CACNA1E: variants seen among roughly 807,000 people sequenced by gnomAD.
The protein encoded by CACNA1E is voltage-dependent R-type calcium channel subunit alpha-1E.
Under a neutral mutation model 259.2 loss-of-function variants are expected in CACNA1E, and 40 were observed. The ratio of observed to expected loss-of-function variants is 0.15; its 90% confidence interval spans 0.12 to 0.20. CACNA1E has a LOEUF of 0.20. Ranked by LOEUF, CACNA1E falls within the 10% of genes least tolerant of loss-of-function variation. The probability of loss-of-function intolerance (pLI) is 1.00; values close to 1 mark genes in which losing one functional copy is unlikely to be tolerated. For synonymous variants in CACNA1E, 1,104 were observed against 1,138.5 expected (o/e 0.97, Z 0.61); for missense variants, 1,874 against 3,040.1 (o/e 0.62, Z 9.02).
At chr1:181,718,651 CACACACACACACACA>C (rs1654143696) in intron 12 of CACNA1E, among the ~76,000 whole-genome samples, 1 of 151,056 alleles carries the variant, frequency 6.6e-6, no homozygotes, top group African/African-American at 2.4e-5. Flanking sequence ...CACACACACA[CACACACACACACACA>C]CCCTTATATT....
intron 2 of CACNA1E, among the ~76,000 whole-genome samples, chr1:181,421,693 C>T (rs764250007): frequency 2.0e-5 from 3 of 152,170 alleles, no homozygotes; most frequent in Non-Finnish European, 2.9e-5. Context: ...TTTTATTTCT[C>T]TCCATTTTTC....
At chr1:181,512,929 A>G (rs1666269621) in intron 3 of CACNA1E, among the ~76,000 whole-genome samples, 1 of 152,252 alleles carries the variant, frequency 6.6e-6, no homozygotes, top group African/African-American at 2.4e-5. Context: ...TCCCTAAAAT[A>G]AATAATATGT....
At chr1:181,444,423 G>C (rs947911569) in intron 2 of CACNA1E, among the ~76,000 whole-genome samples, 5 of 152,102 alleles carry the variant, frequency 3.3e-5, no homozygotes, top group African/African-American at 9.7e-5. Context: ...GAACTGCTAT[G>C]GGGGGAAAGG....
chr1:181,577,764 A>G lies in CACNA1E; in HGVS notation c.513-2A>G. ...TTGACCCTTCTGTGTCTCTGTCTGCAGCATCCTGGCCACTGCAGGAACCCA... is the reference window on the plus strand; with the variant it reads ...TTGACCCTTCTGTGTCTCTGTCTGCGGCATCCTGGCCACTGCAGGAACCCA... On this transcript the variant is annotated splice_acceptor_variant, in intron 3 of 47. Coordinates refer to ENST00000367573, the MANE Select transcript of CACNA1E (RefSeq NM_001205293.3). LOFTEE classifies it high-confidence loss of function. 6.3e-7 allele frequency: 1 copy of G among 1,598,380 alleles called. No individual in the cohort carries two copies. Among genetic ancestry groups the G allele is most frequent in the Non-Finnish European group, 8.5e-7 (1 of 1,170,306 alleles).
chr1:181,497,473 G>C (rs189336939), intron 1 of CACNA1E, among the ~76,000 whole-genome samples: 2 of 152,312 alleles, frequency 1.3e-5, no homozygotes, highest in East Asian at 3.9e-4. Context: ...CAGGCCTGGA[G>C]AGCTTTCTGT....
At position 181,726,178 on chromosome 1, in the gene CACNA1E, C is replaced by G; in HGVS notation, c.2240+16C>G. On this transcript the variant is annotated intron_variant, in intron 18 of 47. Transcript: ENST00000367573. ...CTTCGATCGAGTGAGTCAGCTGCCCCCTTCACTGATCCCTGAGCTCCTGTG... is the reference window on the plus strand; with the variant it reads ...CTTCGATCGAGTGAGTCAGCTGCCCGCTTCACTGATCCCTGAGCTCCTGTG... 1.3e-6 allele frequency: 2 copies of G among 1,582,932 alleles called. No homozygotes were observed. The highest frequency in any genetic ancestry group is 1.7e-6 in the Non-Finnish European group (2 of 1,155,532).
chr1:181,381,181 AT>A (rs1655436078), intron 1 of CACNA1E, among the ~76,000 whole-genome samples: 2 of 151,094 alleles, frequency 1.3e-5, no homozygotes, highest in Non-Finnish European at 2.9e-5. Context: ...AAAAAAAAAA[AT>A]GTCCATATAA....
At chr1:181,796,010 A>G (rs1661776386) in intron 46 of CACNA1E, among the ~76,000 whole-genome samples, 3 of 152,088 alleles carry the variant, frequency 2.0e-5, no homozygotes, top group Non-Finnish European at 1.5e-5. Context: ...CTTCCCCCCA[A>G]AAAGTTATGC....
At chr1:181,679,720 G>A (rs778936114) in intron 7 of CACNA1E, among the ~76,000 whole-genome samples, 15 of 152,160 alleles carry the variant, frequency 9.9e-5, no homozygotes, top group Non-Finnish European at 2.9e-5. Context: ...CTAACAGCAG[G>A]CCAGGCTGGA....
At chr1:181,472,372 T>C (rs1168393212) in intron 2 of CACNA1E, among the ~76,000 whole-genome samples, 1 of 152,234 alleles carries the variant, frequency 6.6e-6, no homozygotes, top group African/African-American at 2.4e-5. Flanking sequence ...AATAAGTAGA[T>C]ATCAGCTGCT....
chr1:181,410,538 T>G (rs1438942103), intron 1 of CACNA1E, among the ~76,000 whole-genome samples: 2 of 152,180 alleles, frequency 1.3e-5, no homozygotes, highest in Non-Finnish European at 2.9e-5. Context: ...GTCTACTGAA[T>G]GCTCCCATCA....
At chr1:181,551,595 A>T (rs1001975528) in intron 3 of CACNA1E, among the ~76,000 whole-genome samples, 1 of 152,186 alleles carries the variant, frequency 6.6e-6, no homozygotes, top group Admixed American at 6.5e-5. Context: ...TAGGAGCTCC[A>T]CAGCAACCTT....
At chr1:181,701,965 G>A (rs1056799454) in intron 7 of CACNA1E, among the ~76,000 whole-genome samples, 3 of 152,138 alleles carry the variant, frequency 2.0e-5, no homozygotes, top group Admixed American at 1.3e-4. Context: ...CAGAGGGGAA[G>A]GAGGGTGGCA....
intron 47 of CACNA1E, among the ~76,000 whole-genome samples, chr1:181,797,765 A>C (rs1433404145): frequency 6.6e-6 from 1 of 152,230 alleles, no homozygotes; most frequent in East Asian, 1.9e-4. Context: ...GGCCTGAGCC[A>C]ACAACTGAGT....
At chr1:181,703,455 A>G (rs1572648100) in intron 7 of CACNA1E, among the ~76,000 whole-genome samples, 1 of 152,330 alleles carries the variant, frequency 6.6e-6, no homozygotes, top group Non-Finnish European at 1.5e-5. Context: ...TTTAATCATT[A>G]TACTTTAACA....
At chr1:181,785,868 C>A in intron 43 of CACNA1E, 49 bp downstream of exon 43, 1 of 1,275,478 alleles carries the variant, frequency 7.8e-7, no homozygotes, top group Non-Finnish European at 1.1e-6. Context: ...AATCTGTCAC[C>A]CATGCTGTTG....
chr1:181,541,319 A>G (rs567857249), intron 3 of CACNA1E, among the ~76,000 whole-genome samples: 1 of 152,314 alleles, frequency 6.6e-6, no homozygotes, highest in Admixed American at 6.5e-5. Flanking sequence ...CCAACATTAT[A>G]TATGTTTAAC....
chr1:181,719,648 T>C (rs1654243121), intron 12 of CACNA1E, 103 bp from the exon 13 acceptor site: 1 of 569,746 alleles, frequency 1.8e-6, no homozygotes, highest in Non-Finnish European at 3.1e-6. Flanking sequence ...AGTTTTTATT[T>C]CCCCATCCCC....
intron 1 of CACNA1E, among the ~76,000 whole-genome samples, chr1:181,348,474 T>C (rs1652788228): frequency 6.6e-6 from 1 of 152,132 alleles, no homozygotes; most frequent in Non-Finnish European, 1.5e-5. Context: ...TATGGTTTGC[T>C]AATGGCAGTT....
Sources: gnomAD v4.1 joint callset for allele counts (sites outside exome capture counted in the v4.1 genomes callset) on GRCh38, gnomAD v4.1.1 for gene constraint, MANE v1.5 for transcripts, NCBI Gene and HGNC (gene_info 2026-07-23, HGNC 2026-07-21) for gene names.